ZNF444: variants seen among roughly 807,000 people sequenced by gnomAD.
ZNF444 encodes zinc finger protein 444, also known as endothelial zinc finger protein 2.
Under a neutral mutation model 14.4 loss-of-function variants are expected in ZNF444, and 8 were observed. The ratio of observed to expected loss-of-function variants is 0.56; its 90% CI spans 0.33 to 1.00. The LOEUF is 1.00. ZNF444 is among the 50% of genes least tolerant of loss of function. The probability of loss-of-function intolerance (pLI) is 0.03; values close to 1 mark genes in which losing one functional copy is unlikely to be tolerated. For synonymous variants in ZNF444, 258 were observed against 235.9 expected, an observed-to-expected ratio of 1.09 and a Z score of -0.86; for missense variants, 510 against 504.8, an observed-to-expected ratio of 1.01 and a Z score of -0.10.
chr19:56,133,730 G>A (rs1452029752), intron 1 of ZNF444, among the ~76,000 whole-genome samples: 1 of 150,448 alleles, frequency 6.6e-6, no homozygotes, highest in African/African-American at 2.5e-5. Context: ...GGAGAATGGC[G>A]TGAACCCGGA....
chr19:56,158,630 C>T (rs2032055812), intron 4 of ZNF444, 28 bp downstream of exon 4: 2 of 1,566,428 alleles, frequency 1.3e-6, no homozygotes, highest in East Asian at 4.7e-5. Context: ...CTGGTTCTCC[C>T]CGCCAGCCCC....
At chr19:56,152,481 TTG>T (rs2031645115) in intron 3 of ZNF444, among the ~76,000 whole-genome samples, 1 of 136,712 alleles carries the variant, frequency 7.3e-6, no homozygotes, top group Non-Finnish European at 1.6e-5. Flanking sequence ...TTCCAGGGTT[TTG>T]TTTTTTTTTT....
Position 56,145,327 on chromosome 19 carries a change from G to A in ZNF444, c.-196-920G>A, listed in dbSNP as rs954568521. Among the ~76,000 whole-genome samples the A allele has an allele frequency of 3.3e-5, 5 of 152,184 alleles. No individual in the cohort carries two copies. Among genetic ancestry groups the A allele is most frequent in the East Asian group, 3.9e-4 (2 of 5,192 alleles). ...ACGGCTGGGCGTGGTGGCTCATGCCGGTAATCCCAGCACTTTCGGAGGCCA... is the reference window on the plus strand; with the variant it reads ...ACGGCTGGGCGTGGTGGCTCATGCCAGTAATCCCAGCACTTTCGGAGGCCA... On this transcript the variant is annotated intron_variant, in intron 1 of 4. Transcript: ENST00000337080. The surrounding 1 kb of genome is among the most constrained non-coding windows in gnomAD (Gnocchi z 4.3).
Position 56,160,517 on chromosome 19 carries a change from C to CCTCTCCCTCCTCCATTCCT in ZNF444, c.*325_*343dup. 2.9e-6 allele frequency: 1 copy of CCTCTCCCTCCTCCATTCCT among 347,052 alleles called. No individual in the cohort carries two copies. Among genetic ancestry groups the CCTCTCCCTCCTCCATTCCT allele is most frequent in the Non-Finnish European group, 5.2e-6 (1 of 192,080 alleles). The allele number at this position is 347,052 out of a possible 1,614,324, so 21.5% of individuals were successfully genotyped here. On this transcript the variant is annotated 3_prime_UTR_variant, in exon 5 of 5. Transcript: ENST00000337080. ...CTTCTCTCTCCTGCGGCCCAGCCTC[C>CCTCTCCCTCCTCCATTCCT]CTCTCCCTCCTCCATTCCTCTCTCC...
downstream of ZNF444, chr19:56,160,893 AG>A (rs916959917): frequency 2.0e-5 from 3 of 151,704 alleles, no homozygotes. Flanking sequence ...GTAGACCCGG[AG>A]TCTGAGCTCT....
rs1229935950 is a variant in ZNF444 at position 56,160,090 on chromosome 19, G to GCACGTGCTGCGCCACCAGCGCATC, written c.878_901dup (p.Val293_His300dup). ...GTGGCAAGGGCTTCGGGCGCCGCGA[G>GCACGTGCTGCGCCACCAGCGCATC]CACGTGCTGCGCCACCAGCGCATCC... On this transcript the variant is annotated inframe_insertion, in exon 5 of 5. Transcript: ENST00000337080. 1.0e-5 allele frequency: 15 copies of GCACGTGCTGCGCCACCAGCGCATC among 1,499,296 alleles called. No homozygotes were observed. Among genetic ancestry groups the GCACGTGCTGCGCCACCAGCGCATC allele is most frequent in the African/African-American group, 1.5e-5 (1 of 68,812 alleles). 92.9% of individuals were successfully genotyped at this position (1,499,296 alleles called of 1,614,324 possible). A position where few individuals can be genotyped will look rare whatever the true frequency, so the allele number is the denominator to read the frequency against.
chr19:56,158,519 C>A lies in ZNF444; in HGVS notation c.323C>A (p.Ser108Ter). Residue 108 changes from serine (S) to a stop codon, truncating the protein, a stop_gained, in exon 4 of 5, where the codon TCG (serine) becomes TAG (stop). Transcript: ENST00000337080. LOFTEE classifies it high-confidence loss of function. ...LWGPAASPDG[S>*]SATRVPQDVT... is the part of the protein sequence containing the mutation. ...GGGCCAGCAGCCTCCCCCGATGGGT[C>A]GTCAGCAACGAGGGTGCCTCAGGAT... 1.2e-6 allele frequency: 2 copies of A among 1,611,386 alleles called. No individual in the cohort carries two copies. The highest frequency in any genetic ancestry group is 2.2e-5 in the South Asian group (2 of 90,678).
intron 1 of ZNF444, among the ~76,000 whole-genome samples, chr19:56,135,255 T>C (rs2030585118): frequency 1.3e-5 from 2 of 152,028 alleles, no homozygotes; most frequent in African/African-American, 2.4e-5. Context: ...AATGTCAAGA[T>C]AGCCACAGCT....
chr19:56,154,020 C>T (rs189171047), intron 3 of ZNF444, among the ~76,000 whole-genome samples: 143 of 152,312 alleles, frequency 9.4e-4, no homozygotes, highest in Non-Finnish European at 1.9e-3. Flanking sequence ...AGCACAAACA[C>T]TGATGGTGGA....
At position 56,159,728 on chromosome 19, in the gene ZNF444, G is replaced by T; in HGVS notation, c.511G>T (p.Ala171Ser). ...SSPPLAPGLP[A>S]FLAAPGTTSC... The stretch of plus-strand genomic sequence containing the variant: ...CCCCCCGCTGGCGCCTGGCCTGCCC[G>T]CCTTCCTAGCGGCCCCGGGCACCAC... Residue 171 changes from alanine (A) to serine (S), a missense_variant, in exon 5 of 5, where the codon GCC becomes TCC. Transcript: ENST00000337080. The T allele has an allele frequency of 6.4e-7, 1 of 1,574,064 alleles. No individual in the cohort carries two copies.
In ZNF444 at chr19:56,160,418, C is replaced by T. The variant is rs182564045; in HGVS notation, c.*217C>T. ...CCTTCTCAGGTCTCACCTCAGCCCC[C>T]CCCTTCTCCCTGATTTCTCGGCCTC... On this transcript the variant is annotated 3_prime_UTR_variant, in exon 5 of 5. Coordinates refer to ENST00000337080, the MANE Select transcript of ZNF444 (RefSeq NM_018337.4). The T allele has an allele frequency of 2.1e-6, 1 of 482,908 alleles. No homozygotes were observed. Among genetic ancestry groups the T allele is most frequent in the African/African-American group, 2.1e-5 (1 of 48,696 alleles). The allele number at this position is 482,908 out of a possible 1,614,324, so 29.9% of individuals were successfully genotyped here.
At chr19:56,148,249 C>G (rs1375222414) in intron 3 of ZNF444, among the ~76,000 whole-genome samples, 1 of 152,150 alleles carries the variant, frequency 6.6e-6, no homozygotes, top group Non-Finnish European at 1.5e-5. Flanking sequence ...GAAGAGTGGT[C>G]CAGGCCACGA....
rs138744276 is a variant in ZNF444 at position 56,155,568 on chromosome 19, T to C, written c.298-2926T>C. On this transcript the variant is annotated intron_variant, in intron 3 of 4. Transcript: ENST00000337080. ...TGGAGCCAAGGGCAGAGGCCAGACC[T>C]CTCTGGACAGGGCTGAGCCTCACTG... 1,192 of 152,522 alleles carry C rather than the reference T, an allele frequency of 7.8e-3. 10 individuals are homozygous for C. The highest frequency in any genetic ancestry group is 0.012 in the Non-Finnish European group (852 of 68,244). 9.4% of individuals were successfully genotyped at this position (152,522 alleles called of 1,614,324 possible).
intron 1 of ZNF444, among the ~76,000 whole-genome samples, chr19:56,144,000 C>T (rs918689244): frequency 3.3e-5 from 5 of 152,208 alleles, no homozygotes; most frequent in East Asian, 3.9e-4. Flanking sequence ...CACTGGCCTT[C>T]GGTCCAAGAA....
Position 56,160,282 on chromosome 19 carries a change from C to T in ZNF444, c.*81C>T. The T allele has an allele frequency of 8.6e-7, 1 of 1,159,182 alleles. No homozygotes were observed. The highest frequency in any genetic ancestry group is 1.1e-6 in the Non-Finnish European group (1 of 877,246). 71.8% of individuals were successfully genotyped at this position (1,159,182 alleles called of 1,614,324 possible). On this transcript the variant is annotated 3_prime_UTR_variant, in exon 5 of 5. Transcript: ENST00000337080. ...GCTCTCTCCCAGCGCCACTTGGCCT[C>T]TTCCTCTCCTCCTTCCCTCCCATCG... is the stretch of plus-strand genomic sequence containing the variant.
At position 56,159,751 on chromosome 19, in the gene ZNF444, C is replaced by T; in HGVS notation, c.534C>T (p.Thr178=). ...GLPAFLAAPG[T]TSCPECGKTS... Reference sequence around the variant, plus strand: ...CCGCCTTCCTAGCGGCCCCGGGCACCACGTCCTGCCCCGAGTGCGGCAAAA... The same window carrying T: ...CCGCCTTCCTAGCGGCCCCGGGCACTACGTCCTGCCCCGAGTGCGGCAAAA... Residue 178 remains threonine (T), a synonymous_variant, in exon 5 of 5, where the codon ACC becomes ACT. Transcript: ENST00000337080. 6.3e-7 allele frequency: 1 copy of T among 1,589,764 alleles called. No homozygotes were observed. The highest frequency in any genetic ancestry group is 8.5e-7 in the Non-Finnish European group (1 of 1,172,076).
intron 3 of ZNF444, among the ~76,000 whole-genome samples, chr19:56,149,580 A>G (rs2031448264): frequency 6.6e-6 from 1 of 152,152 alleles, no homozygotes; most frequent in Non-Finnish European, 1.5e-5. Context: ...CCAACCTGTC[A>G]TCTAGGTTTT....
chr19:56,160,269 C>G lies in ZNF444; in HGVS notation c.*68C>G. ...CCGGGCGGTACCTGCTCTCTCCCAG[C>G]GCCACTTGGCCTCTTCCTCTCCTCC... On this transcript the variant is annotated 3_prime_UTR_variant, in exon 5 of 5. Coordinates refer to ENST00000337080, the MANE Select transcript of ZNF444 (RefSeq NM_018337.4). 1.6e-6 allele frequency: 2 copies of G among 1,287,208 alleles called. No homozygotes were observed. Among genetic ancestry groups the G allele is most frequent in the Non-Finnish European group, 2.0e-6 (2 of 990,466 alleles). The allele number at this position is 1,287,208 out of a possible 1,614,324, so 79.7% of individuals were successfully genotyped here.
chr19:56,141,884 T>G (rs914687325), intron 1 of ZNF444: 1 of 152,134 alleles, frequency 6.6e-6, no homozygotes, highest in Non-Finnish European at 1.5e-5. Context: ...CTTCTACAAG[T>G]GCAACTTTTA....
Sources: gnomAD v4.1 joint callset for allele counts (sites outside exome capture counted in the v4.1 genomes callset) on GRCh38, gnomAD v4.1.1 for gene constraint, Gnocchi (gnomAD v3.1) non-coding constraint, MANE v1.5 for transcripts, NCBI Gene and HGNC (gene_info 2026-07-23, HGNC 2026-07-21) for gene names.